Variants in ANTXR2 observed in about 807,000 individuals in gnomAD.
ANTXR2 encodes anthrax toxin receptor 2.
In ANTXR2, 44 loss-of-function variants were observed where a neutral mutation model predicts 73.7. The ratio of observed to expected loss-of-function variants is 0.60; its 90% CI spans 0.47 to 0.77. The LOEUF (loss-of-function observed/expected upper bound fraction) is 0.77, where lower values mean the gene tolerates loss of function less well. Among genes scored for constraint, ANTXR2 ranks in the 30% least tolerant of loss-of-function variants. ANTXR2 has a pLI of 0.00. For synonymous variants in ANTXR2, 217 were observed against 205.9 expected (o/e 1.05, Z -0.46); for missense variants, 604 against 592.5 (o/e 1.02, Z -0.20).
In ANTXR2 at chr4:80,072,420, G is replaced by C. The variant is rs759649626; in HGVS notation, c.141C>G (p.Phe47Leu). ...CCTCGCACACTCACTTGTCCAGGAC[G>C]AAGTAGAGATCAAAGGCTCTTCTGC... Reference protein sequence around the residue: ...PSCRRAFDLYFVLDKSGSVAN... With the variant: ...PSCRRAFDLYLVLDKSGSVAN... Residue 47 changes from phenylalanine to leucine, a missense_variant, in exon 1 of 17, where the codon TTC becomes TTG. Phe to Leu is a conservative substitution (Grantham distance 22). Transcript: ENST00000403729. 8.1e-6 allele frequency: 13 copies of C among 1,604,806 alleles called. No homozygotes were observed. Among genetic ancestry groups the C allele is most frequent in the Non-Finnish European group, 6.8e-6 (8 of 1,176,072 alleles).
intron 16 of ANTXR2, among the ~76,000 whole-genome samples, chr4:79,959,620 C>G (rs1404933070): frequency 6.6e-6 from 1 of 152,162 alleles, no homozygotes; most frequent in African/African-American, 2.4e-5. Flanking sequence ...GCTGTGGGAA[C>G]CACAATGGTG....
chr4:79,962,476 G>A (rs1489553372), intron 16 of ANTXR2, among the ~76,000 whole-genome samples: 1 of 152,082 alleles, frequency 6.6e-6, no homozygotes, highest in African/African-American at 2.4e-5. Context: ...TAATAATAAT[G>A]AAAGATAATA....
intron 12 of ANTXR2, among the ~76,000 whole-genome samples, chr4:79,993,214 A>G (rs1730555606): frequency 6.6e-6 from 1 of 151,948 alleles, no homozygotes; most frequent in Non-Finnish European, 1.5e-5. Context: ...GAAGTTAGGA[A>G]GAGGAAAAGG....
chr4:80,009,857 A>AG (rs1292063884), intron 11 of ANTXR2, among the ~76,000 whole-genome samples: 4 of 151,300 alleles, frequency 2.6e-5, no homozygotes, highest in East Asian at 3.9e-4. Flanking sequence ...AAAAAAAAAA[A>AG]AAAGAAAGAA....
In ANTXR2 at chr4:80,055,940, G is replaced by A. The variant is rs769053907; in HGVS notation, c.370C>T (p.Leu124=). The change falls in exon 4 of 17, where the codon CTA becomes TTA. Residue 124 remains leucine, a synonymous_variant. Transcript: ENST00000403729. ...PVGETYIHEG[L]KLANEQIQKA... ...AATGTAAAATAACTTACTAGCTTTAGTCCTTCATGGATATATGTCTCTCCT... is the reference window on the plus strand; with the variant it reads ...AATGTAAAATAACTTACTAGCTTTAATCCTTCATGGATATATGTCTCTCCT... 1.9e-5 allele frequency: 30 copies of A among 1,544,022 alleles called. No individual in the cohort carries two copies. Among genetic ancestry groups the A allele is most frequent in the Non-Finnish European group, 2.5e-5 (29 of 1,144,054 alleles).
At chr4:79,925,176 T>C (rs1006444408) in intron 16 of ANTXR2, among the ~76,000 whole-genome samples, 7 of 152,196 alleles carry the variant, frequency 4.6e-5, no homozygotes, top group African/African-American at 1.7e-4. Context: ...AGCATTTTTA[T>C]TTAGTTTCTT....
intron 15 of ANTXR2, among the ~76,000 whole-genome samples, 153 bp from the exon 16 acceptor site, chr4:79,977,854 T>C (rs1458350672): frequency 6.6e-6 from 1 of 152,220 alleles, no homozygotes; most frequent in African/African-American, 2.4e-5. Flanking sequence ...TAGAGGTTCT[T>C]ATTGCCAAGA....
chr4:79,906,005 C>T lies in ANTXR2; in HGVS notation c.*1424G>A, dbSNP rs1345339362. ...ATACCAGTTCACATCAAAGCAGGCG[C>T]ACTTTGTCAGGTTTCCACTCGAATA... On this transcript the variant is annotated 3_prime_UTR_variant, in exon 17 of 17. Coordinates refer to ENST00000403729, the MANE Select transcript of ANTXR2 (RefSeq NM_058172.6). 2 of 152,578 alleles carry T rather than the reference C, an allele frequency of 1.3e-5. No individual in the cohort carries two copies. The highest frequency in any genetic ancestry group is 2.9e-5 in the Non-Finnish European group (2 of 68,028). 9.5% of individuals were successfully genotyped at this position (152,578 alleles called of 1,614,324 possible).
intron 16 of ANTXR2, among the ~76,000 whole-genome samples, chr4:79,918,678 C>A (rs1727449899): frequency 6.6e-6 from 1 of 151,962 alleles, no homozygotes; most frequent in African/African-American, 2.4e-5. Flanking sequence ...TAGCTTTTAA[C>A]AAGTGCGAAA....
In ANTXR2 at chr4:79,921,941, G is replaced by A. The variant is rs1329838853; in HGVS notation, c.1429-14474C>T. Among the ~76,000 whole-genome samples the A allele has an allele frequency of 4.0e-5, 6 of 151,810 alleles. No individual in the cohort carries two copies. In the East Asian group the frequency reaches 1.2e-3, roughly 29 times the overall value. On this transcript the variant is annotated intron_variant, in intron 16 of 16. Coordinates refer to ENST00000403729, the MANE Select transcript of ANTXR2 (RefSeq NM_058172.6). The stretch of plus-strand genomic sequence containing the variant: ...TCACTGAGGTCATTTATTACATCTA[G>A]TAATAAGATGTAATAAATCCCAAAT...
intron 16 of ANTXR2, among the ~76,000 whole-genome samples, chr4:79,948,356 C>A (rs1348427090): frequency 1.3e-5 from 2 of 152,080 alleles, no homozygotes; most frequent in Non-Finnish European, 2.9e-5. Context: ...ACATTTGAAT[C>A]TGAACTTTTG....
At chr4:79,910,177 C>T (rs1421305454) in intron 16 of ANTXR2, among the ~76,000 whole-genome samples, 1 of 152,086 alleles carries the variant, frequency 6.6e-6, no homozygotes, top group Non-Finnish European at 1.5e-5. Context: ...ATATAAAGCA[C>T]TGAAAATAGT....
chr4:80,001,221 T>C (rs1731016894), intron 12 of ANTXR2, among the ~76,000 whole-genome samples: 1 of 151,894 alleles, frequency 6.6e-6, no homozygotes, highest in South Asian at 2.1e-4. Context: ...ATTGTGCAGG[T>C]TAGTTACATA....
chr4:80,033,337 A>G (rs763900022), intron 9 of ANTXR2, 135 bp downstream of exon 9: 80 of 611,188 alleles, frequency 1.3e-4, no homozygotes, highest in Non-Finnish European at 2.0e-4. Context: ...TATTTGTATT[A>G]TCATTCAGAC....
chr4:79,972,920 T>TAAAAAAAAA (rs746252575), intron 16 of ANTXR2, among the ~76,000 whole-genome samples: 4 of 53,170 alleles, frequency 7.5e-5, no homozygotes, highest in African/African-American at 6.0e-4. Flanking sequence ...TAGAGTATAA[T>TAAAAAAAAA]AAAAAAAAAA....
intron 14 of ANTXR2, among the ~76,000 whole-genome samples, chr4:79,981,331 C>A (rs1729881626): frequency 6.6e-6 from 1 of 152,138 alleles, no homozygotes; most frequent in South Asian, 2.1e-4. Context: ...AAACTCCAAA[C>A]CTGACCTCAT....
intron 11 of ANTXR2, among the ~76,000 whole-genome samples, chr4:80,013,773 T>C (rs1731707901): frequency 6.6e-6 from 1 of 152,170 alleles, no homozygotes; most frequent in Non-Finnish European, 1.5e-5. Context: ...TTTTCATATC[T>C]ATGGAATGGT....
At chr4:80,068,664 C>T (rs1180489402) in intron 3 of ANTXR2, among the ~76,000 whole-genome samples, 8 of 152,090 alleles carry the variant, frequency 5.3e-5, no homozygotes, top group South Asian at 2.1e-4. Flanking sequence ...CCCAGCTACT[C>T]GGGAGGCTGA....
intron 12 of ANTXR2, among the ~76,000 whole-genome samples, chr4:79,992,301 G>A (rs1018433796): frequency 4.0e-5 from 6 of 151,772 alleles, no homozygotes; most frequent in Non-Finnish European, 7.4e-5. Flanking sequence ...CATTGATAAT[G>A]TTTAGAGAAC....
Sources: allele counts gnomAD v4.1 joint callset (sites outside exome capture counted in the v4.1 genomes callset), GRCh38; gene constraint gnomAD v4.1.1; transcripts MANE v1.5; gene names NCBI Gene and HGNC (gene_info 2026-07-23, HGNC 2026-07-21).